Variants in STON1 observed in about 807,000 individuals in gnomAD.
STON1 encodes stonin 1, also known as stonin-1.
A neutral mutation model predicts 60.9 loss-of-function variants in STON1; 79 were observed. The observed-to-expected ratio is 1.30, with a 90% CI of 1.08 to 1.56. STON1 has a LOEUF of 1.56. Among genes scored for constraint, STON1 ranks in the 40% most tolerant of loss-of-function variants. The pLI, the probability that STON1 is intolerant of heterozygous loss-of-function variation, is 0.00. For missense variants in STON1, 1,166 were observed against 858.9 expected (o/e 1.36, Z -4.47); for synonymous variants, 363 against 306.9 (o/e 1.18, Z -1.91).
rs1558604783 is a variant in STON1 at position 48,564,480 on chromosome 2, T to TTCTTCTTCTTCTTC, written c.-47-16106_-47-16105insCTTCTTCTTCTTCT. Among the ~76,000 whole-genome samples the TTCTTCTTCTTCTTC allele has an allele frequency of 5.2e-4, 17 of 32,482 alleles. 1 individual carries two copies. Among genetic ancestry groups the TTCTTCTTCTTCTTC allele is most frequent in the African/African-American group, 1.4e-3 (12 of 8,658 alleles). 21.3% of individuals were successfully genotyped at this position (32,482 alleles called of 152,430 possible). A position where few individuals can be genotyped will look rare whatever the true frequency, so the allele number is the denominator to read the frequency against. On this transcript the variant is annotated intron_variant, in intron 1 of 3. Transcript: ENST00000404752. The stretch of plus-strand genomic sequence containing the variant: ...CTTCTTCTTCTTCTTCTTCTTCTTC[T>TTCTTCTTCTTCTTC]TTCTTCTTCTTCTTCTTCTTCTTCT...
intron 1 of STON1, among the ~76,000 whole-genome samples, chr2:48,532,898 G>A (rs1057505023): frequency 6.6e-6 from 1 of 152,134 alleles, no homozygotes; most frequent in Non-Finnish European, 1.5e-5. Context: ...GGAAGGCAGA[G>A]GTGGTTAAGA....
In STON1 at chr2:48,581,133, G is replaced by A; in HGVS notation, c.500G>A (p.Ser167Asn). 1.9e-6 allele frequency: 3 copies of A among 1,583,508 alleles called. No individual in the cohort carries two copies. The highest frequency in any genetic ancestry group is 1.7e-6 in the Non-Finnish European group (2 of 1,170,130). ...PQQAESLGFQ[S>N]DDLPQFQYFR... The stretch of plus-strand genomic sequence containing the variant: ...CAGGCTGAAAGCCTAGGATTCCAAA[G>A]TGATGATCTCCCCCAGTTTCAGTAT... Residue 167 changes from serine (S) to asparagine (N), a missense_variant, in exon 2 of 4, where the codon AGT becomes AAT. By Grantham distance (46) the Ser-to-Asn change is conservative. Transcript: ENST00000404752.
intron 1 of STON1, among the ~76,000 whole-genome samples, chr2:48,536,656 A>C (rs1408998974): frequency 6.6e-6 from 1 of 151,948 alleles, no homozygotes; most frequent in Non-Finnish European, 1.5e-5. Context: ...TTTCTGGGCC[A>C]TCTTGGATTT....
intron 2 of STON1, among the ~76,000 whole-genome samples, chr2:48,584,970 A>C (rs1177034320): frequency 2.6e-5 from 4 of 152,090 alleles, no homozygotes; most frequent in Non-Finnish European, 5.9e-5. Flanking sequence ...CCCTGTGCAG[A>C]AGGGAAGTTC....
chr2:48,594,044 C>T (rs757150884), intron 3 of STON1, among the ~76,000 whole-genome samples: 4 of 152,172 alleles, frequency 2.6e-5, no homozygotes, highest in Non-Finnish European at 4.4e-5. Context: ...CCAGCTTCAG[C>T]TCTCCAGGGC....
At chr2:48,542,019 A>G (rs537097200) in intron 1 of STON1, among the ~76,000 whole-genome samples, 1 of 152,254 alleles carries the variant, frequency 6.6e-6, no homozygotes, top group Non-Finnish European at 1.5e-5. Context: ...ATCTTAACTC[A>G]CATCTATGTT....
At chr2:48,543,281 T>C (rs1671733607) in intron 1 of STON1, among the ~76,000 whole-genome samples, 1 of 151,938 alleles carries the variant, frequency 6.6e-6, no homozygotes, top group South Asian at 2.1e-4. Context: ...GGCCATATCT[T>C]GATATTTTTG....
Position 48,593,584 on chromosome 2 carries a change from G to A in STON1, c.2134-1644G>A, listed in dbSNP as rs142352191. 2.0e-5 allele frequency among the ~76,000 whole-genome samples: 3 copies of A among 152,198 alleles called. No homozygotes were observed. In the East Asian group the frequency reaches 5.8e-4, roughly 29 times the overall value. ...ATTTTTAAAAATTTAAATTTTGCCTGTTACACAGCCCTCAGGAGGTCCTGA... is the reference window on the plus strand; with the variant it reads ...ATTTTTAAAAATTTAAATTTTGCCTATTACACAGCCCTCAGGAGGTCCTGA... On this transcript the variant is annotated intron_variant, in intron 3 of 3. Transcript: ENST00000404752.
intron 1 of STON1, among the ~76,000 whole-genome samples, chr2:48,580,189 T>C (rs1673792357): frequency 6.6e-6 from 1 of 152,216 alleles, no homozygotes; most frequent in Admixed American, 6.5e-5. Context: ...ATTACAGTTG[T>C]GACCCACCAT....
intron 1 of STON1, among the ~76,000 whole-genome samples, chr2:48,550,412 G>A (rs561603281): frequency 6.6e-6 from 1 of 151,098 alleles, no homozygotes; most frequent in Non-Finnish European, 1.5e-5. Context: ...CAGGAGAATT[G>A]CTTGAACCTA....
intron 2 of STON1, among the ~76,000 whole-genome samples, chr2:48,585,365 A>C (rs147317988): frequency 1.3e-5 from 2 of 151,920 alleles, no homozygotes; most frequent in African/African-American, 4.8e-5. Flanking sequence ...CTAGTGGCTC[A>C]ACCTCCCAAG....
chr2:48,531,753 T>C (rs1381376443), intron 1 of STON1: 4 of 152,214 alleles, frequency 2.6e-5, no homozygotes, highest in African/African-American at 9.6e-5. Context: ...GTTGAATGTT[T>C]TACGTTTTTA....
intron 1 of STON1, among the ~76,000 whole-genome samples, chr2:48,560,251 G>T (rs776239849): frequency 6.6e-6 from 1 of 152,142 alleles, no homozygotes; most frequent in Non-Finnish European, 1.5e-5. Flanking sequence ...GAGGAAATTT[G>T]CATATTTAAA....
intron 1 of STON1, among the ~76,000 whole-genome samples, chr2:48,568,154 G>C (rs1289496130): frequency 6.6e-6 from 1 of 152,142 alleles, no homozygotes; most frequent in Non-Finnish European, 1.5e-5. Flanking sequence ...CTGATACCAG[G>C]AGGCTACTGA....
intron 1 of STON1, among the ~76,000 whole-genome samples, chr2:48,567,101 G>A (rs1383740603): frequency 6.6e-6 from 1 of 152,176 alleles, no homozygotes; most frequent in Non-Finnish European, 1.5e-5. Context: ...GAATTGAGCT[G>A]GAACCAGCAC....
At chr2:48,554,233 T>C (rs1447653996) in intron 1 of STON1, among the ~76,000 whole-genome samples, 1 of 152,126 alleles carries the variant, frequency 6.6e-6, no homozygotes, top group Non-Finnish European at 1.5e-5. Flanking sequence ...TTTGTTTATT[T>C]GTTTTTGAGA....
rs780501022 is a variant in STON1 at position 48,581,686 on chromosome 2, T to C, written c.1053T>C (p.His351=). 17 of 1,613,218 alleles carry C rather than the reference T, an allele frequency of 1.1e-5. No individual in the cohort carries two copies. The highest frequency in any genetic ancestry group is 1.4e-5 in the Non-Finnish European group (16 of 1,179,804). The change falls in exon 2 of 4, where the codon CAT becomes CAC. Residue 351 remains histidine (H), a synonymous_variant. Transcript: ENST00000404752. ...AAATCCACACTGTGAAGATTGAACA[T>C]GTGTCTTACACAGAAAAAAGGAAAT... ...AGKIHTVKIE[H]VSYTEKRKYH... is the part of the protein sequence containing the mutation.
chr2:48,535,501 A>G (rs1671388530), intron 1 of STON1, among the ~76,000 whole-genome samples: 1 of 152,124 alleles, frequency 6.6e-6, no homozygotes, highest in African/African-American at 2.4e-5. Flanking sequence ...CCCCAGAAGG[A>G]TCAGCATTCT....
intron 2 of STON1, among the ~76,000 whole-genome samples, chr2:48,589,664 A>G (rs1018637509): frequency 2.0e-5 from 3 of 152,196 alleles, no homozygotes; most frequent in Non-Finnish European, 4.4e-5. Context: ...TTGTACCACT[A>G]AGTCTTCAAT....
Sources: gnomAD v4.1 joint callset for allele counts (sites outside exome capture counted in the v4.1 genomes callset) on GRCh38, gnomAD v4.1.1 for gene constraint, MANE v1.5 for transcripts, NCBI Gene and HGNC (gene_info 2026-07-23, HGNC 2026-07-21) for gene names.